Variants in ATG16L1 observed in about 807,000 individuals in gnomAD.
ATG16L1 encodes autophagy related 16 like 1.
In ATG16L1, 37 loss-of-function variants were observed where a neutral mutation model predicts 88.5. The ratio of observed to expected loss-of-function variants is 0.42; its 90% CI spans 0.32 to 0.55. The LOEUF is 0.55. Ranked by LOEUF, ATG16L1 falls within the 20% of genes least tolerant of loss-of-function variation. The probability of loss-of-function intolerance (pLI) is 0.13; values close to 1 mark genes in which losing one functional copy is unlikely to be tolerated. For missense variants in ATG16L1, 554 were observed against 752.8 expected, an observed-to-expected ratio of 0.74 and a Z score of 3.09; for synonymous variants, 301 against 281.0, an observed-to-expected ratio of 1.07 and a Z score of -0.71.
chr2:233,293,609 C>G (rs994503865), intron 17 of ATG16L1, among the ~76,000 whole-genome samples: 2 of 65,888 alleles, frequency 3.0e-5, no homozygotes, highest in African/African-American at 6.5e-5. Context: ...AGAAACACAT[C>G]CCTGACTCTT....
chr2:233,266,768 G>A (rs1033950972), intron 5 of ATG16L1, among the ~76,000 whole-genome samples: 1 of 152,272 alleles, frequency 6.6e-6, no homozygotes, highest in African/African-American at 2.4e-5. Context: ...AAAATGTGCT[G>A]TACACACACA....
At chr2:233,267,701 G>T (rs186974161) in intron 5 of ATG16L1, among the ~76,000 whole-genome samples, 1 of 152,350 alleles carries the variant, frequency 6.6e-6, no homozygotes, top group East Asian at 1.9e-4. Flanking sequence ...GGGGGCCCCA[G>T]GTGAGCTGGA....
At chr2:233,282,835 AG>A in intron 12 of ATG16L1, 82 bp downstream of exon 12, 1 of 1,289,274 alleles carries the variant, frequency 7.8e-7, no homozygotes, top group Admixed American at 1.8e-5. Context: ...GTGCTTAATT[AG>A]GGGACTTTGT....
In ATG16L1 at chr2:233,263,207, T is replaced by G; in HGVS notation, c.287T>G (p.Leu96Arg). ...AQLRIKHQEE[L>R]TELHKKRGEL... Reference sequence around the variant, plus strand: ...CTGAGGATTAAGCACCAAGAGGAACTGACTGAATTACACAAGAAACGTGGG... The same window carrying G: ...CTGAGGATTAAGCACCAAGAGGAACGGACTGAATTACACAAGAAACGTGGG... The change falls in exon 3 of 18, where the codon CTG becomes CGG. Residue 96 changes from leucine (L) to arginine (R), a missense_variant. Physicochemically the swap from Leu to Arg is moderately radical, Grantham distance 102 (BLOSUM62 -2). Coordinates refer to ENST00000392017, the MANE Select transcript of ATG16L1 (RefSeq NM_030803.7). The G allele has an allele frequency of 6.2e-7, 1 of 1,614,090 alleles. No homozygotes were observed. Among genetic ancestry groups the G allele is most frequent in the Non-Finnish European group, 8.5e-7 (1 of 1,179,990 alleles).
chr2:233,273,824 AG>A, intron 8 of ATG16L1, 47 bp downstream of exon 8: 1 of 1,586,572 alleles, frequency 6.3e-7, no homozygotes, highest in Non-Finnish European at 8.7e-7. Context: ...AGTATACCTA[AG>A]TATATGTACA....
intron 12 of ATG16L1, among the ~76,000 whole-genome samples, chr2:233,289,376 GAT>G (rs1491201116): frequency 1.8e-5 from 1 of 55,226 alleles, no homozygotes; most frequent in South Asian, 9.0e-4. Flanking sequence ...TCCTGTTTGG[GAT>G]GTGTGTGTGT....
At chr2:233,291,190 G>A (rs1252559631) in intron 14 of ATG16L1, among the ~76,000 whole-genome samples, 2 of 152,104 alleles carry the variant, frequency 1.3e-5, no homozygotes, top group African/African-American at 2.4e-5. Context: ...CAGGGCCTGT[G>A]GTGATAGATG....
At chr2:233,281,261 ATT>A (rs145264492) in intron 11 of ATG16L1, 86 bp downstream of exon 11, 10,567 of 1,043,942 alleles carry the variant, frequency 0.01, 84 homozygotes, top group Admixed American at 0.026. Context: ...AACTTACCCG[ATT>A]TCTCTGCCAT....
In ATG16L1 at chr2:233,292,227, C is replaced by T. The variant is rs1699509163; in HGVS notation, c.1530C>T (p.Asp510=). The change falls in exon 15 of 18, where the codon GAC becomes GAT. Residue 510 remains aspartate, a synonymous_variant. Transcript: ENST00000392017. ...AGCTCCTGAGCTGCTCCCGTGATGA[C>T]TTGCTAAAAGTTATTGATCTCCGAA... The part of the protein sequence containing the change: ...RTELLSCSRD[D]LLKVIDLRTN... The T allele has an allele frequency of 1.9e-6, 3 of 1,614,124 alleles. No homozygotes were observed. In the African/African-American group the frequency reaches 4.0e-5, roughly 22 times the overall value.
In ATG16L1 at chr2:233,294,474, A is replaced by ATG. The variant is rs1699679526; in HGVS notation, c.*127_*128dup. ...TGGACCTCCCAGAGAAGCTCAAGCT[A>ATG]TGTGGCACTGTAGCTTTGCCGTGAA... On this transcript the variant is annotated 3_prime_UTR_variant, in exon 18 of 18. Coordinates refer to ENST00000392017, the MANE Select transcript of ATG16L1 (RefSeq NM_030803.7). 3.1e-6 allele frequency: 2 copies of ATG among 644,144 alleles called. No homozygotes were observed. The highest frequency in any genetic ancestry group is 5.2e-6 in the Non-Finnish European group (2 of 384,958). 39.9% of individuals were successfully genotyped at this position (644,144 alleles called of 1,614,324 possible).
intron 12 of ATG16L1, among the ~76,000 whole-genome samples, chr2:233,287,714 C>A (rs1198000496): frequency 6.6e-6 from 1 of 152,132 alleles, no homozygotes; most frequent in Non-Finnish European, 1.5e-5. Context: ...CCCGTCTCTA[C>A]TAAAAATACA....
intron 9 of ATG16L1, among the ~76,000 whole-genome samples, chr2:233,275,013 A>G (rs1698251648): frequency 6.6e-6 from 1 of 152,246 alleles, no homozygotes; most frequent in African/African-American, 2.4e-5. Flanking sequence ...AAGGATTGCT[A>G]GCATGAGGGA....
chr2:233,261,592 C>T (rs1697216608), intron 2 of ATG16L1, among the ~76,000 whole-genome samples: 1 of 152,096 alleles, frequency 6.6e-6, no homozygotes, highest in African/African-American at 2.4e-5. Context: ...GCTATACTAC[C>T]ACCTTTATCC....
chr2:233,285,064 C>T (rs542825829), intron 12 of ATG16L1, among the ~76,000 whole-genome samples: 64 of 152,322 alleles, frequency 4.2e-4, no homozygotes, highest in African/African-American at 1.4e-3. Context: ...CCATGGGGCA[C>T]ACCAATTCAG....
intron 6 of ATG16L1, 35 bp downstream of exon 6, chr2:233,270,102 T>C: frequency 6.5e-7 from 1 of 1,538,068 alleles, no homozygotes; most frequent in Non-Finnish European, 8.7e-7. Context: ...ACTGTGTTTC[T>C]GAAAATTTGG....
Position 233,256,193 on chromosome 2 carries a change from A to G in ATG16L1, c.207A>G (p.Ile69Met). The G allele has an allele frequency of 6.2e-7, 1 of 1,612,982 alleles. No homozygotes were observed. Among genetic ancestry groups the G allele is most frequent in the Non-Finnish European group, 8.5e-7 (1 of 1,179,056 alleles). ...ATGACGTACCAAACAGGCACGAGAT[A>G]AGGTATTTTGAAACTAACTTGTATT... ...EKHDVPNRHE[I>M]SPGHDGTWND... Residue 69 changes from isoleucine to methionine, a missense_variant and splice_region_variant, in exon 2 of 18, where the codon ATA (isoleucine) becomes ATG (methionine). By Grantham distance (10) the Ile-to-Met change is conservative. This residue lies in a region of ATG16L1 where 101 missense variants were observed against 107.0 expected (regional missense o/e 0.94). Coordinates refer to ENST00000392017, the MANE Select transcript of ATG16L1 (RefSeq NM_030803.7).
intron 5 of ATG16L1, among the ~76,000 whole-genome samples, chr2:233,269,611 A>G (rs1459391340): frequency 2.0e-5 from 3 of 152,234 alleles, no homozygotes; most frequent in African/African-American, 7.2e-5. Flanking sequence ...AGTCCCAAAC[A>G]TTTCGAGTAA....
intron 14 of ATG16L1, 65 bp from the exon 15 acceptor site, chr2:233,292,063 T>A (rs1034788243): frequency 1.9e-6 from 3 of 1,568,236 alleles, no homozygotes; most frequent in Non-Finnish European, 2.6e-6. Context: ...TTTTTTTTCC[T>A]CCACGGCATG....
At chr2:233,292,047 A>G in intron 14 of ATG16L1, 81 bp from the exon 15 acceptor site, 1 of 1,523,574 alleles carries the variant, frequency 6.6e-7, no homozygotes, top group Non-Finnish European at 8.9e-7. Flanking sequence ...GTTGAATTGC[A>G]GTGCCTTTTT....
Sources: gnomAD v4.1 joint callset for allele counts (sites outside exome capture counted in the v4.1 genomes callset) on GRCh38, gnomAD v4.1.1 for gene constraint, gnomAD v4.1.1 regional missense constraint, MANE v1.5 for transcripts, NCBI Gene and HGNC (gene_info 2026-07-23, HGNC 2026-07-21) for gene names.